Variants in NAALADL2 observed in about 807,000 individuals in gnomAD.
NAALADL2 encodes inactive N-acetylated-alpha-linked acidic dipeptidase-like protein 2.
NAALADL2 carries 76 observed loss-of-function variants against 87.2 expected under a neutral mutation model. The ratio of observed to expected loss-of-function variants is 0.87; its 90% confidence interval spans 0.72 to 1.05. NAALADL2 has a LOEUF of 1.05. NAALADL2 is among the 50% of genes least tolerant of loss of function. The probability of loss-of-function intolerance (pLI) is 0.00; values close to 1 mark genes in which losing one functional copy is unlikely to be tolerated. For synonymous variants in NAALADL2, 354 were observed against 331.0 expected (o/e 1.07, Z -0.75); for missense variants, 1,089 against 945.8 (o/e 1.15, Z -1.99).
At chr3:174,597,044 A>G (rs1717986555) in intron 2 of NAALADL2, among the ~76,000 whole-genome samples, 1 of 152,200 alleles carries the variant, frequency 6.6e-6, no homozygotes, top group African/African-American at 2.4e-5. Flanking sequence ...TCCCAAGTTC[A>G]GTGTTTCTCT....
At chr3:175,114,617 G>T (rs977618564) in intron 2 of NAALADL2, among the ~76,000 whole-genome samples, 3 of 151,502 alleles carry the variant, frequency 2.0e-5, no homozygotes, top group Non-Finnish European at 4.4e-5. Context: ...TCACCAAGTG[G>T]CAATTAAAAA....
At chr3:174,443,046 AG>A (rs1272269613) in intron 1 of NAALADL2, among the ~76,000 whole-genome samples, 1 of 152,194 alleles carries the variant, frequency 6.6e-6, no homozygotes, top group Non-Finnish European at 1.5e-5. Flanking sequence ...TAAATGTCAT[AG>A]GGGCCAGATA....
Position 175,256,477 on chromosome 3 carries a change from G to A in NAALADL2, c.886G>A (p.Val296Ile), listed in dbSNP as rs763266150. The A allele has an allele frequency of 8.1e-6, 13 of 1,612,438 alleles. No homozygotes were observed. The Admixed American group carries it at 8.4e-5, about 10-fold the overall frequency. The change falls in exon 4 of 14, where the codon GTA (valine) becomes ATA (isoleucine). Residue 296 changes from valine to isoleucine, a missense_variant. Transcript: ENST00000454872. ...DLKRIRKIKN[V>I]TNQIALLKLG... is the part of the protein sequence containing the mutation. ...AAAAAGGATTAGGAAAATAAAAAACGTAACAAATCAGATCGCACTCCTGAA... is the reference window on the plus strand; with the variant it reads ...AAAAAGGATTAGGAAAATAAAAAACATAACAAATCAGATCGCACTCCTGAA...
intron 1 of NAALADL2, among the ~76,000 whole-genome samples, chr3:174,516,453 A>G (rs192150845): frequency 6.6e-6 from 1 of 152,138 alleles, no homozygotes; most frequent in Admixed American, 6.5e-5. Context: ...TAGACGTTCC[A>G]CTTCTGCCTG....
intron 1 of NAALADL2, among the ~76,000 whole-genome samples, chr3:174,989,139 C>A (rs1022207549): frequency 6.6e-6 from 1 of 152,098 alleles, no homozygotes; most frequent in Non-Finnish European, 1.5e-5. Flanking sequence ...CACTCATGAC[C>A]GTGAGGACAG....
intron 2 of NAALADL2, among the ~76,000 whole-genome samples, chr3:175,193,378 A>T (rs188302962): frequency 3.3e-5 from 5 of 151,942 alleles, no homozygotes; most frequent in African/African-American, 4.8e-5. Flanking sequence ...CTATTCCTCT[A>T]CACGGGCCCT....
intron 13 of NAALADL2, among the ~76,000 whole-genome samples, chr3:175,791,430 C>T (rs1403158489): frequency 6.6e-6 from 1 of 152,144 alleles, no homozygotes; most frequent in African/African-American, 2.4e-5. Context: ...GTGCCCTAAG[C>T]TTAGCTAATT....
intron 1 of NAALADL2, among the ~76,000 whole-genome samples, chr3:174,539,532 A>G (rs990194862): frequency 3.9e-5 from 6 of 152,138 alleles, no homozygotes; most frequent in Non-Finnish European, 7.3e-5. Flanking sequence ...AGACTTACTT[A>G]TGACCTGCCT....
chr3:174,666,738 C>T (rs1275795626), intron 2 of NAALADL2, among the ~76,000 whole-genome samples: 4 of 152,096 alleles, frequency 2.6e-5, no homozygotes, highest in Admixed American at 2.0e-4. Context: ...GTCTACATTT[C>T]AGTAGTGTTA....
intron 2 of NAALADL2, among the ~76,000 whole-genome samples, chr3:174,591,582 T>C (rs1717364930): frequency 6.6e-6 from 1 of 152,152 alleles, no homozygotes. Context: ...TTGGATTAGT[T>C]AAAATGGACC....
intron 1 of NAALADL2, among the ~76,000 whole-genome samples, chr3:174,536,317 A>T (rs545919947): frequency 6.6e-6 from 1 of 152,282 alleles, no homozygotes; most frequent in East Asian, 1.9e-4. Flanking sequence ...TGGCTAGTTT[A>T]GTTTTTCATA....
At chr3:175,694,724 C>T (rs1737510887) in intron 11 of NAALADL2, among the ~76,000 whole-genome samples, 1 of 152,024 alleles carries the variant, frequency 6.6e-6, no homozygotes, top group Non-Finnish European at 1.5e-5. Flanking sequence ...AAGTAAAATT[C>T]TGACTTTAGG....
chr3:174,475,905 C>A (rs2108319252), intron 1 of NAALADL2, among the ~76,000 whole-genome samples: 1 of 151,784 alleles, frequency 6.6e-6, no homozygotes, highest in Non-Finnish European at 1.5e-5. Flanking sequence ...AGGAGATGAA[C>A]AAAGGAAACT....
intron 10 of NAALADL2, among the ~76,000 whole-genome samples, chr3:175,613,030 G>T (rs1342446195): frequency 2.0e-5 from 3 of 151,900 alleles, no homozygotes. Flanking sequence ...AAACAGCTAG[G>T]GCTCTGAGAC....
chr3:175,090,723 A>G (rs1719938169), intron 1 of NAALADL2, among the ~76,000 whole-genome samples: 1 of 152,112 alleles, frequency 6.6e-6, no homozygotes, highest in South Asian at 2.1e-4. Context: ...TTGATTATCC[A>G]CTATGCCTAA....
intron 3 of NAALADL2, among the ~76,000 whole-genome samples, chr3:174,828,838 C>A (rs979000237): frequency 1.3e-5 from 2 of 152,128 alleles, no homozygotes; most frequent in East Asian, 3.9e-4. Flanking sequence ...TGGGTCCAAT[C>A]AGTTAAACTG....
chr3:175,304,174 A>G (rs1438693590), intron 4 of NAALADL2, among the ~76,000 whole-genome samples: 3 of 152,196 alleles, frequency 2.0e-5, no homozygotes, highest in Non-Finnish European at 4.4e-5. Context: ...GAGAAAGGGA[A>G]GAGAAATACC....
intron 4 of NAALADL2, among the ~76,000 whole-genome samples, chr3:175,263,398 A>G (rs1751411307): frequency 6.6e-6 from 1 of 151,904 alleles, no homozygotes; most frequent in African/African-American, 2.4e-5. Context: ...AGTATTTTCC[A>G]TGGCTTAAAA....
At chr3:174,622,243 A>G (rs763373280) in intron 2 of NAALADL2, among the ~76,000 whole-genome samples, 2 of 152,304 alleles carry the variant, frequency 1.3e-5, no homozygotes, top group Non-Finnish European at 2.9e-5. Flanking sequence ...TCTTAGAATG[A>G]AGAGGAGGAT....
Sources: gnomAD v4.1 joint callset for allele counts (sites outside exome capture counted in the v4.1 genomes callset) on GRCh38, gnomAD v4.1.1 for gene constraint, MANE v1.5 for transcripts, NCBI Gene and HGNC (gene_info 2026-07-23, HGNC 2026-07-21) for gene names.